SLC25A21: variants seen among roughly 807,000 people sequenced by gnomAD.
SLC25A21 encodes solute carrier family 25 member 21.
A neutral mutation model predicts 43.8 loss-of-function variants in SLC25A21; 47 were observed. The ratio of observed to expected loss-of-function variants is 1.07; its 90% confidence interval spans 0.85 to 1.37. The LOEUF (loss-of-function observed/expected upper bound fraction) is 1.37, where lower values mean the gene tolerates loss of function less well. Among genes scored for constraint, SLC25A21 ranks in the 40% most tolerant of loss-of-function variants. The pLI is 0.00. For synonymous variants in SLC25A21, 131 were observed against 121.3 expected, an observed-to-expected ratio of 1.08 and a Z score of -0.52; for missense variants, 352 against 350.2, an observed-to-expected ratio of 1.00 and a Z score of -0.04.
intron 6 of SLC25A21, among the ~76,000 whole-genome samples, chr14:36,717,427 G>A: frequency 6.6e-6 from 1 of 152,218 alleles, no homozygotes; most frequent in East Asian, 1.9e-4. Flanking sequence ...CAAACAACCG[G>A]TGAGTGGAGA....
At chr14:36,976,087 CCCATGTGTTGACCTG>C (rs1369382241) in intron 1 of SLC25A21, among the ~76,000 whole-genome samples, 1 of 152,116 alleles carries the variant, frequency 6.6e-6, no homozygotes, top group African/African-American at 2.4e-5. Context: ...AGCAGATGTT[CCCATGTGTTGACCTG>C]CCATCCCTTG....
chr14:36,954,823 T>C (rs1160820053), intron 1 of SLC25A21, among the ~76,000 whole-genome samples: 1 of 152,152 alleles, frequency 6.6e-6, no homozygotes, highest in Non-Finnish European at 1.5e-5. Flanking sequence ...GTACCTGCAA[T>C]GACTTCCCTC....
At chr14:36,786,294 T>C (rs1238327460) in intron 3 of SLC25A21, among the ~76,000 whole-genome samples, 1 of 152,258 alleles carries the variant, frequency 6.6e-6, no homozygotes, top group Non-Finnish European at 1.5e-5. Flanking sequence ...TTGGCATGTT[T>C]CAAGCCTCTA....
At position 37,172,331 on chromosome 14, in the gene SLC25A21, A is replaced by C; in HGVS notation, c.20T>G (p.Val7Gly). 2 of 1,602,854 alleles carry C rather than the reference A, an allele frequency of 1.2e-6. No homozygotes were observed. Among genetic ancestry groups the C allele is most frequent in the Non-Finnish European group, 1.7e-6 (2 of 1,174,914 alleles). The change falls in exon 1 of 10, where the codon GTC becomes GGC. Residue 7 changes from valine (V) to glycine (G), a missense_variant. Physicochemically the swap from Val to Gly is moderately radical, Grantham distance 109 (BLOSUM62 -3). Transcript: ENST00000331299. Reference sequence around the variant, plus strand: ...CCGAGAAGCCTCGCGCACTAAGCTGACTTCAGGCTTGGCGGACATCTTCGC... The same window carrying C: ...CCGAGAAGCCTCGCGCACTAAGCTGCCTTCAGGCTTGGCGGACATCTTCGC... MSAKPE[V>G]SLVREASRQI...
intron 1 of SLC25A21, among the ~76,000 whole-genome samples, chr14:37,135,976 G>A (rs1950543073): frequency 6.6e-6 from 1 of 152,144 alleles, no homozygotes; most frequent in African/African-American, 2.4e-5. Context: ...TATAGTGATA[G>A]TTCAGTGACT....
rs572342082 is a variant in SLC25A21, at chr14:36,924,002, T to C, written c.71-48998A>G. ...TACCATCTCACACCAGTTAGAATGG[T>C]GATCATTAAAAAGTCAGGAAACTAC... On this transcript the variant is annotated intron_variant, in intron 1 of 9. Coordinates refer to ENST00000331299, the MANE Select transcript of SLC25A21 (RefSeq NM_030631.4). Among the ~76,000 whole-genome samples, 41 of 152,110 alleles carry C rather than the reference T, an allele frequency of 2.7e-4. No homozygotes were observed. The East Asian group carries it at 7.0e-3, about 26-fold the overall frequency.
intron 2 of SLC25A21, among the ~76,000 whole-genome samples, chr14:36,841,363 C>A (rs543467736): frequency 6.6e-6 from 1 of 152,130 alleles, no homozygotes; most frequent in Non-Finnish European, 1.5e-5. Context: ...CTCTTCTATC[C>A]GTTCTTTAGA....
At chr14:36,707,236 C>T (rs1456783392) in intron 7 of SLC25A21, among the ~76,000 whole-genome samples, 1 of 152,210 alleles carries the variant, frequency 6.6e-6, no homozygotes, top group Non-Finnish European at 1.5e-5. Context: ...CCTTCCCTGA[C>T]CATCAGGTTT....
intron 3 of SLC25A21, among the ~76,000 whole-genome samples, chr14:36,752,142 T>C (rs1424504107): frequency 6.6e-6 from 1 of 152,202 alleles, no homozygotes; most frequent in Non-Finnish European, 1.5e-5. Context: ...CAGGTCAACA[T>C]TGCTCATCAT....
chr14:36,711,407 A>G lies in SLC25A21; in HGVS notation c.514T>C (p.Leu172=). 1 of 1,614,104 alleles carries G rather than the reference A, an allele frequency of 6.2e-7. No homozygotes were observed. The highest frequency in any genetic ancestry group is 8.5e-7 in the Non-Finnish European group (1 of 1,179,976). The change falls in exon 7 of 10, where the codon TTA becomes CTA. Residue 172 remains leucine (L), a synonymous_variant. Transcript: ENST00000331299. ...GWGLQGLNKG[L]TATLGRHGVF... The stretch of plus-strand genomic sequence containing the variant: ...CCATGTCGTCCCAAAGTTGCAGTTA[A>G]TCCTTTGTTGAGGCCCTGGAGTCCC...
chr14:36,865,966 T>TG (rs1890202695), intron 2 of SLC25A21, among the ~76,000 whole-genome samples: 1 of 152,248 alleles, frequency 6.6e-6, no homozygotes, highest in South Asian at 2.1e-4. Flanking sequence ...TAAGTCCTGA[T>TG]GGGGGGTGAG....
At chr14:37,000,862 A>G (rs1163018318) in intron 1 of SLC25A21, among the ~76,000 whole-genome samples, 2 of 152,062 alleles carry the variant, frequency 1.3e-5, no homozygotes, top group African/African-American at 2.4e-5. Context: ...GCCATCAGCC[A>G]TGATTGTAAG....
intron 1 of SLC25A21, among the ~76,000 whole-genome samples, chr14:37,086,096 C>T (rs534907973): frequency 1.3e-5 from 2 of 151,960 alleles, no homozygotes; most frequent in South Asian, 4.2e-4. Context: ...CAGAGCGAGG[C>T]TCCGTCTCAA....
chr14:36,893,025 T>C (rs1891124204), intron 1 of SLC25A21, among the ~76,000 whole-genome samples: 1 of 152,218 alleles, frequency 6.6e-6, no homozygotes, highest in Non-Finnish European at 1.5e-5. Flanking sequence ...GCATGTGTCT[T>C]TAGCGCAGCA....
At chr14:37,124,641 A>G (rs1963266338) in intron 1 of SLC25A21, among the ~76,000 whole-genome samples, 1 of 152,226 alleles carries the variant, frequency 6.6e-6, no homozygotes, top group Admixed American at 6.5e-5. Context: ...AAATGCAAAC[A>G]TAAAAATAAA....
At chr14:37,102,749 GC>G (rs1287473675) in intron 1 of SLC25A21, among the ~76,000 whole-genome samples, 1 of 151,972 alleles carries the variant, frequency 6.6e-6, no homozygotes, top group Non-Finnish European at 1.5e-5. Context: ...ACTTTGGGAG[GC>G]TGACGCAAGC....
At chr14:36,950,047 C>G (rs1208842863) in intron 1 of SLC25A21, among the ~76,000 whole-genome samples, 1 of 152,126 alleles carries the variant, frequency 6.6e-6, no homozygotes. Context: ...CAGAGTTCTC[C>G]AAATCTATTT....
At chr14:36,966,739 T>C (rs939512052) in intron 1 of SLC25A21, among the ~76,000 whole-genome samples, 1 of 152,198 alleles carries the variant, frequency 6.6e-6, no homozygotes, top group African/African-American at 2.4e-5. Context: ...AGTAGAATTC[T>C]TTCTTCTATT....
At chr14:36,992,442 T>G (rs1300684685) in intron 1 of SLC25A21, among the ~76,000 whole-genome samples, 1 of 152,116 alleles carries the variant, frequency 6.6e-6, no homozygotes, top group African/African-American at 2.4e-5. Flanking sequence ...AAAATTTTTT[T>G]TAAAGAATAG....
Sources: gnomAD v4.1 joint callset for allele counts (sites outside exome capture counted in the v4.1 genomes callset) on GRCh38, gnomAD v4.1.1 for gene constraint, MANE v1.5 for transcripts, NCBI Gene and HGNC (gene_info 2026-07-23, HGNC 2026-07-21) for gene names.